Variants in KCNH8 observed in about 807,000 individuals in gnomAD.
The protein encoded by KCNH8 is potassium voltage-gated channel subfamily H member 8.
A neutral mutation model predicts 103.6 loss-of-function variants in KCNH8; 70 were observed. The observed-to-expected ratio is 0.68, with a 90% CI of 0.56 to 0.82. The LOEUF is 0.82. KCNH8 is among the 40% of genes least tolerant of loss of function. The pLI, the probability that KCNH8 is intolerant of heterozygous loss-of-function variation, is 0.00. For synonymous variants in KCNH8, 498 were observed against 489.4 expected (o/e 1.02, Z -0.23); for missense variants, 1,217 against 1,329.9 (o/e 0.92, Z 1.32).
rs949255089 is a variant in KCNH8 at position 19,419,349 on chromosome 3, G to A, written c.1178-18815G>A. Among the ~76,000 whole-genome samples the A allele has an allele frequency of 7.9e-5, 12 of 151,548 alleles. 1 individual carries two copies. The East Asian group carries it at 1.4e-3, about 17-fold the overall frequency. ...CGAGTAGCTGGGACTACAGGCGCCC[G>A]CCACCACGCCCGGCTAATTTTTTTG... On this transcript the variant is annotated intron_variant, in intron 7 of 15. Coordinates refer to ENST00000328405, the MANE Select transcript of KCNH8 (RefSeq NM_144633.3).
At chr3:19,398,132 A>C (rs1490159030) in intron 7 of KCNH8, among the ~76,000 whole-genome samples, 3 of 151,956 alleles carry the variant, frequency 2.0e-5, no homozygotes, top group African/African-American at 7.2e-5. Flanking sequence ...TTTCTTTCTA[A>C]TTATTGTTAA....
At chr3:19,338,587 A>G (rs926813088) in intron 3 of KCNH8, among the ~76,000 whole-genome samples, 2 of 152,026 alleles carry the variant, frequency 1.3e-5, no homozygotes, top group Non-Finnish European at 2.9e-5. Flanking sequence ...CTGTACTAAT[A>G]CCATTTAGTA....
intron 15 of KCNH8, among the ~76,000 whole-genome samples, chr3:19,519,958 CCA>C (rs2068943378): frequency 6.6e-6 from 1 of 151,600 alleles, no homozygotes; most frequent in Non-Finnish European, 1.5e-5. Flanking sequence ...GGCTGTAAAT[CCA>C]CACAGTTTGT....
At chr3:19,505,330 G>A (rs1398370955) in intron 11 of KCNH8, among the ~76,000 whole-genome samples, 1 of 151,840 alleles carries the variant, frequency 6.6e-6, no homozygotes, top group Non-Finnish European at 1.5e-5. Flanking sequence ...AGGAGGGAGA[G>A]GATCAGAAAA....
chr3:19,378,574 G>C (rs2066244447), intron 5 of KCNH8, among the ~76,000 whole-genome samples: 1 of 152,106 alleles, frequency 6.6e-6, no homozygotes, highest in Non-Finnish European at 1.5e-5. Flanking sequence ...CCACAGAGTG[G>C]GAATGTTATG....
chr3:19,330,315 A>G (rs1323964790), intron 3 of KCNH8, among the ~76,000 whole-genome samples: 4 of 152,110 alleles, frequency 2.6e-5, no homozygotes, highest in African/African-American at 7.2e-5. Flanking sequence ...TATATTCCAC[A>G]AATACTTCCA....
chr3:19,442,659 A>G (rs186206951), intron 8 of KCNH8, among the ~76,000 whole-genome samples: 20 of 152,322 alleles, frequency 1.3e-4, no homozygotes, highest in Admixed American at 2.6e-4. Context: ...CCCGAGCAGC[A>G]CTTAGGAAAC....
In KCNH8 at chr3:19,281,326, G is replaced by T. The variant is rs1442004164; in HGVS notation, c.439G>T (p.Glu147Ter). 1 of 1,598,880 alleles carries T rather than the reference G, an allele frequency of 6.3e-7. No individual in the cohort carries two copies. The highest frequency in any genetic ancestry group is 8.5e-7 in the Non-Finnish European group (1 of 1,174,704). The change falls in exon 3 of 16, where the codon GAA (glutamate) becomes TAA (stop). Residue 147 changes from glutamate (E) to a stop codon, truncating the protein, a stop_gained. Coordinates refer to ENST00000328405, the MANE Select transcript of KCNH8 (RefSeq NM_144633.3). LOFTEE classifies it high-confidence loss of function. ...KVKITPEDKK[E>*]DKVKGRSRAG... ...GAAGATTACTCCAGAAGATAAAAAA[G>T]AAGGTTTGTACCGTTTTCAGAAAAC...
At chr3:19,505,734 G>C (rs958297509) in intron 11 of KCNH8, among the ~76,000 whole-genome samples, 1 of 152,204 alleles carries the variant, frequency 6.6e-6, no homozygotes, top group Admixed American at 6.5e-5. Context: ...AGGTTTGCAT[G>C]GATGATATTC....
intron 1 of KCNH8, among the ~76,000 whole-genome samples, chr3:19,237,490 G>T (rs772904105): frequency 2.6e-5 from 4 of 152,188 alleles, no homozygotes; most frequent in Non-Finnish European, 4.4e-5. Flanking sequence ...CTTCACATTA[G>T]TACAAGGAAT....
chr3:19,361,217 A>G (rs1347003008), intron 5 of KCNH8, among the ~76,000 whole-genome samples: 1 of 152,100 alleles, frequency 6.6e-6, no homozygotes, highest in East Asian at 1.9e-4. Context: ...AAGTCATGAA[A>G]TTAAGTTTTC....
chr3:19,413,591 G>T (rs915270377), intron 7 of KCNH8, among the ~76,000 whole-genome samples: 1 of 152,140 alleles, frequency 6.6e-6, no homozygotes, highest in East Asian at 1.9e-4. Flanking sequence ...CAATATACAT[G>T]GCTAGAAGAC....
intron 1 of KCNH8, among the ~76,000 whole-genome samples, chr3:19,185,919 A>G (rs758319992): frequency 4.6e-5 from 7 of 151,966 alleles, no homozygotes; most frequent in Non-Finnish European, 7.4e-5. Flanking sequence ...TCTGCATTCA[A>G]TGTACATACA....
chr3:19,260,974 A>ATG (rs2125258782), intron 2 of KCNH8, among the ~76,000 whole-genome samples: 1 of 125,402 alleles, frequency 8.0e-6, no homozygotes, highest in East Asian at 2.0e-4. Flanking sequence ...ATTCATATAT[A>ATG]TATATATATA....
chr3:19,404,077 G>T (rs1013651856), intron 7 of KCNH8, among the ~76,000 whole-genome samples: 1 of 151,872 alleles, frequency 6.6e-6, no homozygotes, highest in Non-Finnish European at 1.5e-5. Context: ...GATAAGCAAT[G>T]ATTTCAGTTT....
intron 3 of KCNH8, among the ~76,000 whole-genome samples, chr3:19,313,989 G>A (rs1326968648): frequency 1.3e-5 from 2 of 151,832 alleles, no homozygotes; most frequent in African/African-American, 4.8e-5. Context: ...TTTGAACTTC[G>A]AATGTACTTG....
intron 7 of KCNH8, among the ~76,000 whole-genome samples, chr3:19,413,840 G>C (rs2066821563): frequency 6.6e-6 from 1 of 152,034 alleles, no homozygotes; most frequent in Admixed American, 6.6e-5. Context: ...TCTTGTTGCA[G>C]CCTTTCACAT....
intron 1 of KCNH8, among the ~76,000 whole-genome samples, chr3:19,226,239 C>T (rs529516665): frequency 5.9e-5 from 9 of 152,314 alleles, no homozygotes; most frequent in African/African-American, 2.2e-4. Context: ...GTGTCTACTA[C>T]AGTTAGCTAT....
Position 19,518,067 on chromosome 3 carries a change from A to T in KCNH8, c.2612A>T (p.Asn871Ile). Residue 871 changes from asparagine (N) to isoleucine (I), a missense_variant, in exon 15 of 16, where the codon AAC becomes ATC. Physicochemically the swap from Asn to Ile is moderately radical, Grantham distance 149. This residue lies in a region of KCNH8 where 558 missense variants were observed against 495.8 expected (regional missense o/e 1.13). Coordinates refer to ENST00000328405, the MANE Select transcript of KCNH8 (RefSeq NM_144633.3). Reference protein sequence around the residue: ...EETKQQINKLNSEVTTLTQEV... With the variant: ...EETKQQINKLISEVTTLTQEV... Reference sequence around the variant, plus strand: ...ACCAAGCAGCAGATAAACAAACTCAACAGTGAGGTATGGAGCTCTTTCTTT... The same window carrying T: ...ACCAAGCAGCAGATAAACAAACTCATCAGTGAGGTATGGAGCTCTTTCTTT... The T allele has an allele frequency of 6.2e-7, 1 of 1,611,332 alleles. No individual in the cohort carries two copies. Among genetic ancestry groups the T allele is most frequent in the Non-Finnish European group, 8.5e-7 (1 of 1,177,994 alleles).
Sources: allele counts gnomAD v4.1 joint callset (sites outside exome capture counted in the v4.1 genomes callset), GRCh38; gene constraint gnomAD v4.1.1; regional missense constraint gnomAD v4.1.1; transcripts MANE v1.5; gene names NCBI Gene and HGNC (gene_info 2026-07-23, HGNC 2026-07-21).